BCAS3: variants seen among roughly 807,000 people sequenced by gnomAD.
The protein encoded by BCAS3 is BCAS4/BCAS3 fusion.
BCAS3 carries 53 observed loss-of-function variants against 116.1 expected under a neutral mutation model. That is an observed-to-expected ratio of 0.46 (90% confidence interval 0.37 to 0.57). The LOEUF (loss-of-function observed/expected upper bound fraction) is 0.57, where lower values mean the gene tolerates loss of function less well. BCAS3 is among the 20% of genes least tolerant of loss of function. The pLI is 0.00. For missense variants in BCAS3, 917 were observed against 1,165.4 expected (o/e 0.79, Z 3.10); for synonymous variants, 391 against 408.2 (o/e 0.96, Z 0.51).
At chr17:61,184,985 T>TG (rs2079682841) in intron 22 of BCAS3, among the ~76,000 whole-genome samples, 1 of 152,006 alleles carries the variant, frequency 6.6e-6, no homozygotes, top group Non-Finnish European at 1.5e-5. Context: ...TTTGGAGTGA[T>TG]GGAAATATTC....
intron 7 of BCAS3, chr17:60,811,314 A>G: frequency 6.8e-6 from 5 of 732,624 alleles, no homozygotes; most frequent in Non-Finnish European, 9.4e-6. Flanking sequence ...ACCTACTGTC[A>G]CCTGCTGGAA....
chr17:61,369,925 C>T (rs1160592129), intron 23 of BCAS3, among the ~76,000 whole-genome samples: 8 of 152,226 alleles, frequency 5.3e-5, no homozygotes, highest in Admixed American at 3.3e-4. Flanking sequence ...AACCGGAGCC[C>T]GGTGCCACTG....
intron 14 of BCAS3, among the ~76,000 whole-genome samples, chr17:60,950,534 C>G (rs1373968511): frequency 6.6e-6 from 1 of 152,162 alleles, no homozygotes; most frequent in Non-Finnish European, 1.5e-5. Context: ...GTTGCCCAGG[C>G]TAGTCTTGAA....
rs1318886827 is a variant in BCAS3 at position 61,099,411 on chromosome 17, TATC to T, written c.2425+14850_2425+14852del. Among the ~76,000 whole-genome samples, 19 of 152,220 alleles carry T rather than the reference TATC, an allele frequency of 1.2e-4. No individual in the cohort carries two copies. In the East Asian group the frequency reaches 3.5e-3, roughly 28 times the overall value. On this transcript the variant is annotated intron_variant, in intron 22 of 23. Coordinates refer to ENST00000407086, the MANE Select transcript of BCAS3 (RefSeq NM_017679.5). ...TTCTTATAAAACATAAGGCTTTAAA[TATC>T]ATAACATGATTACAAGTTGGTAATG...
At chr17:61,192,781 G>A (rs2144236187) in intron 22 of BCAS3, among the ~76,000 whole-genome samples, 1 of 152,224 alleles carries the variant, frequency 6.6e-6, no homozygotes, top group South Asian at 2.1e-4. Context: ...AATTATGATG[G>A]TAGTTAACTT....
chr17:60,841,216 CTG>C (rs1261445191), intron 7 of BCAS3, among the ~76,000 whole-genome samples: 2 of 151,932 alleles, frequency 1.3e-5, no homozygotes, highest in Non-Finnish European at 2.9e-5. Context: ...GGCAGAAGGA[CTG>C]AAACTTTATT....
chr17:61,271,573 G>A (rs552236904), intron 22 of BCAS3, among the ~76,000 whole-genome samples: 16 of 148,452 alleles, frequency 1.1e-4, no homozygotes, highest in African/African-American at 3.2e-4. Context: ...ACAGGCGCCC[G>A]CCATCACGCC....
At chr17:60,928,039 T>G (rs1235825740) in intron 13 of BCAS3, among the ~76,000 whole-genome samples, 2 of 152,238 alleles carry the variant, frequency 1.3e-5, no homozygotes, top group African/African-American at 4.8e-5. Flanking sequence ...GCTGATGTGA[T>G]TTTACCCGTT....
chr17:60,688,812 T>C (rs1045597491), intron 3 of BCAS3: 4 of 147,156 alleles, frequency 2.7e-5, no homozygotes, highest in Non-Finnish European at 6.0e-5. Context: ...TGAGACTCTG[T>C]CTCAAAAAAA....
intron 22 of BCAS3, among the ~76,000 whole-genome samples, chr17:61,250,911 G>C (rs1291754885): frequency 1.3e-5 from 2 of 152,172 alleles, no homozygotes; most frequent in Non-Finnish European, 1.5e-5. Context: ...TCTCAGAAAG[G>C]TTTTATGACT....
intron 22 of BCAS3, among the ~76,000 whole-genome samples, chr17:61,312,443 G>T (rs1226432537): frequency 6.6e-6 from 1 of 152,226 alleles, no homozygotes; most frequent in Non-Finnish European, 1.5e-5. Context: ...TGCTGTTGGG[G>T]TAATTGGACT....
chr17:60,801,374 GTTTTTTTTTAA>G (rs2047761107), intron 6 of BCAS3, among the ~76,000 whole-genome samples: 1 of 150,864 alleles, frequency 6.6e-6, no homozygotes. Context: ...ACTGATTCTA[GTTTTTTTTTAA>G]TTTTTTTTGT....
At chr17:60,859,792 C>T (rs2054004643) in intron 7 of BCAS3, among the ~76,000 whole-genome samples, 1 of 152,104 alleles carries the variant, frequency 6.6e-6, no homozygotes, top group South Asian at 2.1e-4. Flanking sequence ...TGGTCTCAAA[C>T]TCCTGACCTC....
chr17:60,816,438 C>A (rs2049415819), intron 7 of BCAS3, among the ~76,000 whole-genome samples: 1 of 151,948 alleles, frequency 6.6e-6, no homozygotes, highest in Non-Finnish European at 1.5e-5. Context: ...CCACGCCCAG[C>A]TAATTTTTGT....
At chr17:61,284,660 C>G (rs1283881950) in intron 22 of BCAS3, among the ~76,000 whole-genome samples, 1 of 150,226 alleles carries the variant, frequency 6.7e-6, no homozygotes, top group Non-Finnish European at 1.5e-5. Context: ...TTTTTTTCCT[C>G]TACTCTTTTT....
chr17:60,770,869 A>C (rs2044629603), intron 6 of BCAS3, among the ~76,000 whole-genome samples: 1 of 83,526 alleles, frequency 1.2e-5, no homozygotes, highest in African/African-American at 4.0e-5. Flanking sequence ...TTTTTTTGAG[A>C]CAGGGTCTCA....
Position 61,365,163 on chromosome 17 carries a change from G to C in BCAS3, c.2426-3164G>C, listed in dbSNP as rs948422950. On this transcript the variant is annotated intron_variant, in intron 22 of 23. Coordinates refer to ENST00000407086, the MANE Select transcript of BCAS3 (RefSeq NM_017679.5). This position sits in a 1 kb window ranked among gnomAD's most constrained non-coding sequence, Gnocchi z 4.6. ...AGCTCACGTGTTAGTCTTTCTTGAAGTCCAGGCCTATTTCCATCCACCACT... is the reference window on the plus strand; with the variant it reads ...AGCTCACGTGTTAGTCTTTCTTGAACTCCAGGCCTATTTCCATCCACCACT... 6.6e-6 allele frequency among the ~76,000 whole-genome samples: 1 copy of C among 152,184 alleles called. No individual in the cohort carries two copies. Among genetic ancestry groups the C allele is most frequent in the Non-Finnish European group, 1.5e-5 (1 of 68,036 alleles).
At chr17:60,803,758 A>G (rs1204593224) in intron 6 of BCAS3, among the ~76,000 whole-genome samples, 1 of 132,772 alleles carries the variant, frequency 7.5e-6, no homozygotes, top group African/African-American at 2.7e-5. Flanking sequence ...TCTATCCTTC[A>G]TTTTTTTTCA....
At chr17:60,897,226 C>G (rs146702469) in intron 10 of BCAS3, among the ~76,000 whole-genome samples, 102 of 152,254 alleles carry the variant, frequency 6.7e-4, no homozygotes, top group African/African-American at 2.2e-3. Context: ...CCCTTTGAAT[C>G]TATAATTCCA....
Sources: allele counts gnomAD v4.1 joint callset (sites outside exome capture counted in the v4.1 genomes callset), GRCh38; gene constraint gnomAD v4.1.1; non-coding constraint Gnocchi (gnomAD v3.1); transcripts MANE v1.5; gene names NCBI Gene and HGNC (gene_info 2026-07-23, HGNC 2026-07-21).